Variants in HAL observed in about 807,000 individuals in gnomAD.
HAL encodes histidine ammonia-lyase.
HAL carries 85 observed loss-of-function variants against 81.1 expected under a neutral mutation model. The ratio of observed to expected loss-of-function variants is 1.05; its 90% CI spans 0.88 to 1.25. The LOEUF is 1.25. HAL is among the 50% of genes most tolerant of loss of function. The probability of loss-of-function intolerance (pLI) is 0.00; values close to 1 mark genes in which losing one functional copy is unlikely to be tolerated. For synonymous variants in HAL, 301 were observed against 309.2 expected, an observed-to-expected ratio of 0.97 and a Z score of 0.28; for missense variants, 798 against 836.6, an observed-to-expected ratio of 0.95 and a Z score of 0.57.
Position 95,992,676 on chromosome 12 carries a change from T to C in HAL, c.715+4A>G, listed in dbSNP as rs1052095350. 1.9e-6 allele frequency: 3 copies of C among 1,610,970 alleles called. No homozygotes were observed. Among genetic ancestry groups the C allele is most frequent in the Non-Finnish European group, 1.7e-6 (2 of 1,177,564 alleles). On this transcript the variant is annotated splice_donor_region_variant and intron_variant, in intron 9 of 20. Transcript: ENST00000261208. ...AGGTTCCGTCTAGGGAGCCATTGCA[T>C]TACCATTAAACATTTCTATGACTTG...
Position 95,986,148 on chromosome 12 carries a change from AG to A in HAL, c.1063del (p.Leu355PhefsTer27). On this transcript the variant is annotated frameshift_variant, in exon 13 of 21. Coordinates refer to ENST00000261208, the MANE Select transcript of HAL (RefSeq NM_002108.4). LOFTEE classifies it high-confidence loss of function. ...TKAFDTDIHA[L>X]RPHRGQIEVA... is the part of the protein sequence containing the mutation. ...TTCAATTTGCCCACGGTGAGGTCGA[AG>A]AGCATGAATGTCTAGAATTGATGAA... 6.3e-7 allele frequency: 1 copy of A among 1,595,934 alleles called. No homozygotes were observed. The highest frequency in any genetic ancestry group is 1.3e-5 in the African/African-American group (1 of 74,690).
chr12:95,994,052 A>C, intron 5 of HAL, 38 bp downstream of exon 5: 1 of 1,595,542 alleles, frequency 6.3e-7, no homozygotes, highest in Non-Finnish European at 8.6e-7. Context: ...CGGGCAACAA[A>C]AATGGCCAGA....
chr12:95,980,673 C>G lies in HAL; in HGVS notation c.1402G>C (p.Glu468Gln), dbSNP rs755402668. The change falls in exon 17 of 21, where the codon GAG becomes CAG. Residue 468 changes from glutamate to glutamine, a missense_variant. Physicochemically the swap from Glu to Gln is conservative, Grantham distance 29. Coordinates refer to ENST00000261208, the MANE Select transcript of HAL (RefSeq NM_002108.4). ...TTGCAGAGCCGCTCGATTCTTCTCTCACTGATTGCAGCAAGTTCATGGATG... is the reference window on the plus strand; with the variant it reads ...TTGCAGAGCCGCTCGATTCTTCTCTGACTGATTGCAGCAAGTTCATGGATG... Reference protein sequence around the residue: ...IGIHELAAISERRIERLCNPS... With the variant: ...IGIHELAAISQRRIERLCNPS... The G allele has an allele frequency of 5.6e-6, 9 of 1,614,078 alleles. No homozygotes were observed. The highest frequency in any genetic ancestry group is 7.6e-6 in the Non-Finnish European group (9 of 1,179,924).
At chr12:95,990,640 C>G in intron 9 of HAL, 108 bp from the exon 10 acceptor site, 2 of 870,780 alleles carry the variant, frequency 2.3e-6, no homozygotes, top group Admixed American at 1.8e-5. Context: ...CCTCCAATAT[C>G]TATCACTTTA....
chr12:95,981,308 C>T (rs1418960619), intron 15 of HAL, among the ~76,000 whole-genome samples: 1 of 152,212 alleles, frequency 6.6e-6, no homozygotes, highest in African/African-American at 2.4e-5. Flanking sequence ...GAGCAACTAC[C>T]AAAATGTCTG....
In HAL at chr12:95,973,047, ACT is replaced by A. The variant is rs1384081825; in HGVS notation, c.*1183_*1184del. 1 of 152,010 alleles carries A rather than the reference ACT, an allele frequency of 6.6e-6. No homozygotes were observed. The highest frequency in any genetic ancestry group is 6.6e-5 in the Admixed American group (1 of 15,262). The allele number at this position is 152,010 out of a possible 1,614,324, so 9.4% of individuals were successfully genotyped here. ...CAGGTTGTAAATCTAAAGGGTGAAA[ACT>A]CTATTGTGAAATCCACTGTTCGGCC... On this transcript the variant is annotated 3_prime_UTR_variant, in exon 21 of 21. Coordinates refer to ENST00000261208, the MANE Select transcript of HAL (RefSeq NM_002108.4).
Position 95,995,895 on chromosome 12 carries a change from C to G in HAL, c.16G>C (p.Val6Leu), listed in dbSNP as rs1266512775. ...GCCAGCCATTCCCCACGTACGTGCA[C>G]CGTGTATCTGGGCATGGCTCCGCTG... MPRYT[V>L]HVRGEWLAVP... Residue 6 changes from valine (V) to leucine (L), a missense_variant, in exon 2 of 21, where the codon GTG becomes CTG. Physicochemically the swap from Val to Leu is conservative, Grantham distance 32. Transcript: ENST00000261208. The G allele has an allele frequency of 1.9e-6, 3 of 1,604,958 alleles. No individual in the cohort carries two copies. The African/African-American group carries it at 4.0e-5, about 21-fold the overall frequency.
rs1280929858 is a variant in HAL at position 95,973,363 on chromosome 12, A to T, written c.*869T>A. ...GCTCCATCTGACCTTTATCAATAGG[A>T]CTTATTTTAATGATTACCATTACAG... On this transcript the variant is annotated 3_prime_UTR_variant, in exon 21 of 21. Transcript: ENST00000261208. 1.3e-5 allele frequency: 2 copies of T among 152,190 alleles called. No homozygotes were observed. Among genetic ancestry groups the T allele is most frequent in the East Asian group, 3.8e-4 (2 of 5,202 alleles). 9.4% of individuals were successfully genotyped at this position (152,190 alleles called of 1,614,324 possible). A position where few individuals can be genotyped will look rare whatever the true frequency, so the allele number is the denominator to read the frequency against.
chr12:95,981,070 G>T (rs979639533), intron 15 of HAL, among the ~76,000 whole-genome samples: 2 of 152,146 alleles, frequency 1.3e-5, no homozygotes, highest in African/African-American at 4.8e-5. Flanking sequence ...CACCCAATTT[G>T]GAGGCTGAAA....
intron 3 of HAL, 45 bp from the exon 4 acceptor site, chr12:95,994,870 C>T: frequency 6.2e-7 from 1 of 1,611,034 alleles, no homozygotes; most frequent in South Asian, 1.1e-5. Context: ...GGAAAAACCC[C>T]CAGCCCCACC....
intron 15 of HAL, 94 bp from the exon 16 acceptor site, chr12:95,980,957 CTG>C: frequency 1.2e-6 from 1 of 815,820 alleles, no homozygotes; most frequent in Non-Finnish European, 2.2e-6. Flanking sequence ...AGGTGGCAGT[CTG>C]TGTACAAATG....
In HAL at chr12:95,992,948, T is replaced by C. The variant is rs1949990378; in HGVS notation, c.590-143A>G. On this transcript the variant is annotated intron_variant, in intron 8 of 20. Coordinates refer to ENST00000261208, the MANE Select transcript of HAL (RefSeq NM_002108.4). ...CTCTCGGCTCAGGTAGTTGGACTAC[T>C]CTCCCTCCTGCCTGTCTGACTTGTC... is the stretch of plus-strand genomic sequence containing the variant. 4 of 777,276 alleles carry C rather than the reference T, an allele frequency of 5.1e-6. No homozygotes were observed. In the Admixed American group the frequency reaches 5.3e-5, roughly 10 times the overall value. 48.1% of individuals were successfully genotyped at this position (777,276 alleles called of 1,614,324 possible).
chr12:95,975,157 C>T lies in HAL; in HGVS notation c.1834-785G>A, dbSNP rs117430239. Among the ~76,000 whole-genome samples the T allele has an allele frequency of 4.7e-3, 721 of 152,360 alleles. 5 individuals are homozygous for T. The highest frequency in any genetic ancestry group is 5.9e-3 in the Admixed American group (91 of 15,304). On this transcript the variant is annotated intron_variant, in intron 20 of 20. Transcript: ENST00000261208. ...GTTCCTTTGACCCTGCTACTCAAAG[C>T]GTGGCCTGTGCCCCTGCAGTATCAG... is the stretch of plus-strand genomic sequence containing the variant.
At chr12:95,988,445 T>C (rs774817994) in intron 10 of HAL, among the ~76,000 whole-genome samples, 6 of 152,030 alleles carry the variant, frequency 3.9e-5, no homozygotes, top group Non-Finnish European at 7.3e-5. Flanking sequence ...ATCTTTCAAT[T>C]AATTTTTGTA....
In HAL at chr12:95,996,109, G is replaced by A. The variant is rs1032319330; in HGVS notation, c.-113C>T. 8 of 615,406 alleles carry A rather than the reference G, an allele frequency of 1.3e-5. No individual in the cohort carries two copies. The African/African-American group carries it at 1.4e-4, about 11-fold the overall frequency. 38.1% of individuals were successfully genotyped at this position (615,406 alleles called of 1,614,324 possible). A position where few individuals can be genotyped will look rare whatever the true frequency, so the allele number is the denominator to read the frequency against. ...TCCCTTTGGTTTTTGTAGCCGAGCA[G>A]GGGCAGGAGCAGGGGATGCAGACGG... On this transcript the variant is annotated 5_prime_UTR_variant, in exon 1 of 21. Transcript: ENST00000261208.
Sources: allele counts gnomAD v4.1 joint callset (sites outside exome capture counted in the v4.1 genomes callset), GRCh38; gene constraint gnomAD v4.1.1; transcripts MANE v1.5; gene names NCBI Gene and HGNC (gene_info 2026-07-23, HGNC 2026-07-21).